Variants in HTT observed in about 807,000 individuals in gnomAD.
The protein encoded by HTT is huntington disease protein.
In HTT, 104 loss-of-function variants were observed where a neutral mutation model predicts 362.3. The ratio of observed to expected loss-of-function variants is 0.29; its 90% confidence interval spans 0.24 to 0.34. HTT has a LOEUF of 0.34. Among genes scored for constraint, HTT ranks in the 10% least tolerant of loss-of-function variants. The pLI, the probability that HTT is intolerant of heterozygous loss-of-function variation, is 1.00. For synonymous variants in HTT, 1,577 were observed against 1,548.7 expected, an observed-to-expected ratio of 1.02 and a Z score of -0.43; for missense variants, 3,301 against 3,928.6, an observed-to-expected ratio of 0.84 and a Z score of 4.27.
intron 28 of HTT, 44 bp from the exon 29 acceptor site, chr4:3,160,238 T>C (rs1358520350): frequency 7.9e-7 from 1 of 1,262,608 alleles, no homozygotes; most frequent in African/African-American, 1.5e-5. Flanking sequence ...TATGAGATCG[T>C]GACAGGGCCA....
At chr4:3,075,648 A>G (rs35462308) in intron 1 of HTT, among the ~76,000 whole-genome samples, 31,834 of 53,854 alleles carry the variant, frequency 0.59, 6,657 homozygotes, top group East Asian at 0.65. Context: ...GTGGCGGGGC[A>G]GGGGGGGGGC....
chr4:3,122,703 A>G (rs546104605), intron 9 of HTT, among the ~76,000 whole-genome samples, 186 bp from the exon 10 acceptor site: 27 of 152,342 alleles, frequency 1.8e-4, no homozygotes, highest in African/African-American at 6.3e-4. Flanking sequence ...AGAACTATAT[A>G]TTTGAATGTT....
chr4:3,189,124 G>A (rs761761949), intron 40 of HTT, 31 bp downstream of exon 40: 40 of 1,609,702 alleles, frequency 2.5e-5, no homozygotes, highest in Non-Finnish European at 3.1e-5. Flanking sequence ...TTCCTGGAGT[G>A]TCTCGTTCCC....
intron 8 of HTT, 77 bp downstream of exon 8, chr4:3,116,340 G>C: frequency 7.7e-7 from 1 of 1,307,116 alleles, no homozygotes; most frequent in Non-Finnish European, 1.1e-6. Context: ...TGGAAGAGAA[G>C]CGGCAGAACC....
Position 3,174,713 on chromosome 4 carries a change from T to A in HTT, c.4167-8T>A. On this transcript the variant is annotated splice_region_variant and splice_polypyrimidine_tract_variant and intron_variant, in intron 31 of 66. Coordinates refer to ENST00000355072, the MANE Select transcript of HTT (RefSeq NM_001388492.1). Reference sequence around the variant, plus strand: ...ATTCTCTGCTTCCCTTTTATTCCCATTTGGCAGATGGTTTGATGTCCTCCA... The same window carrying A: ...ATTCTCTGCTTCCCTTTTATTCCCAATTGGCAGATGGTTTGATGTCCTCCA... 6.2e-7 allele frequency: 1 copy of A among 1,608,042 alleles called. No homozygotes were observed. The highest frequency in any genetic ancestry group is 8.5e-7 in the Non-Finnish European group (1 of 1,174,546).
intron 31 of HTT, chr4:3,173,370 TG>T (rs1012424752): frequency 2.2e-4 from 120 of 539,270 alleles, no homozygotes; most frequent in South Asian, 6.6e-4. Context: ...ATCTCAGAGG[TG>T]GGGGTAGAGG....
chr4:3,235,449 T>C (rs1283342594), intron 62 of HTT, 51 bp downstream of exon 62: 1 of 1,507,804 alleles, frequency 6.6e-7, no homozygotes, highest in Non-Finnish European at 9.2e-7. Flanking sequence ...GGGCTTCCCT[T>C]CTCTTTTCCT....
At chr4:3,076,066 C>T (rs534738508) in intron 1 of HTT, among the ~76,000 whole-genome samples, 37 of 152,234 alleles carry the variant, frequency 2.4e-4, no homozygotes, top group African/African-American at 8.4e-4. Context: ...CCGCAGACTC[C>T]GTGGGCATCT....
Position 3,214,009 on chromosome 4 carries a change from C to T in HTT, c.6826C>T (p.Gln2276Ter), listed in dbSNP as rs1370973506. 1.2e-6 allele frequency: 2 copies of T among 1,604,606 alleles called. No individual in the cohort carries two copies. Among genetic ancestry groups the T allele is most frequent in the Non-Finnish European group, 1.7e-6 (2 of 1,174,382 alleles). ...GCAGATCCCGCTGAGTCTGGATCTC[C>T]AGGCAGGGCTGGACTGCTGCTGCCT... ...HEQIPLSLDL[Q>*]AGLDCCCLAL... Residue 2276 changes from glutamine (Q) to a stop codon, truncating the protein, a stop_gained, in exon 50 of 67, where the codon CAG becomes TAG. Transcript: ENST00000355072. LOFTEE classifies it high-confidence loss of function.
At chr4:3,211,064 C>T (rs898163016) in intron 47 of HTT, among the ~76,000 whole-genome samples, 18 of 152,046 alleles carry the variant, frequency 1.2e-4, no homozygotes, top group African/African-American at 2.7e-4. Context: ...CCACCACGCC[C>T]GGCTAATTTT....
intron 24 of HTT, 132 bp downstream of exon 24, chr4:3,145,360 A>G (rs1716549527): frequency 1.5e-5 from 10 of 686,248 alleles, no homozygotes; most frequent in African/African-American, 3.6e-5. Flanking sequence ...ATCTGATGGA[A>G]TACTTGTTTC....
At chr4:3,179,529 G>A (rs918569600) in intron 35 of HTT, among the ~76,000 whole-genome samples, 3 of 151,970 alleles carry the variant, frequency 2.0e-5, no homozygotes, top group Non-Finnish European at 2.9e-5. Context: ...CAGAGTGTTT[G>A]TGTGTGTGTC....
At chr4:3,150,694 A>G (rs1305402588) in intron 26 of HTT, among the ~76,000 whole-genome samples, 1 of 152,244 alleles carries the variant, frequency 6.6e-6, no homozygotes, top group Non-Finnish European at 1.5e-5. Flanking sequence ...ACATACATGT[A>G]CATGCACATA....
At chr4:3,093,905 G>GTTTTTTTTTT (rs67455911) in intron 2 of HTT, among the ~76,000 whole-genome samples, 12 of 23,904 alleles carry the variant, frequency 5.0e-4, no homozygotes, top group African/African-American at 9.0e-4. Flanking sequence ...CTTTAAGTTG[G>GTTTTTTTTTT]TTTTTTTTTT....
chr4:3,138,432 A>G (rs564407005), intron 21 of HTT, among the ~76,000 whole-genome samples: 1 of 151,934 alleles, frequency 6.6e-6, no homozygotes, highest in Non-Finnish European at 1.5e-5. Flanking sequence ...ATTATACCAC[A>G]CTGTATGCCC....
chr4:3,099,443 G>GC (rs1714033880), intron 3 of HTT, 49 bp downstream of exon 3: 1 of 1,606,220 alleles, frequency 6.2e-7, no homozygotes, highest in South Asian at 1.1e-5. Flanking sequence ...ATTGTTGTAG[G>GC]CTGAGAGAAG....
chr4:3,125,691 T>C, intron 11 of HTT, 62 bp downstream of exon 11: 1 of 1,210,704 alleles, frequency 8.3e-7, no homozygotes, highest in Non-Finnish European at 1.2e-6. Flanking sequence ...CCCCTTGCCC[T>C]TCCTGCTCGT....
Position 3,175,071 on chromosome 4 carries a change from G to A in HTT, c.4371G>A (p.Gln1457=), listed in dbSNP as rs1718177576. ...TAGATTTGCTGGCGCAGCTGGTTCA[G>A]TTACGGGTTAATTACTGTCTTCTGG... ...QVLDLLAQLV[Q]LRVNYCLLDS... The change falls in exon 33 of 67, where the codon CAG becomes CAA. Residue 1457 remains glutamine (Q), a synonymous_variant. Coordinates refer to ENST00000355072, the MANE Select transcript of HTT (RefSeq NM_001388492.1). The A allele has an allele frequency of 6.2e-7, 1 of 1,613,954 alleles. No homozygotes were observed. The highest frequency in any genetic ancestry group is 1.3e-5 in the African/African-American group (1 of 74,930).
At chr4:3,118,407 C>T (rs1233060317) in intron 8 of HTT, among the ~76,000 whole-genome samples, 4 of 152,094 alleles carry the variant, frequency 2.6e-5, no homozygotes, top group African/African-American at 9.7e-5. Context: ...ATGGTGGGGC[C>T]TGGAGAAGTT....
Sources: gnomAD v4.1 joint callset for allele counts (sites outside exome capture counted in the v4.1 genomes callset) on GRCh38, gnomAD v4.1.1 for gene constraint, MANE v1.5 for transcripts, NCBI Gene and HGNC (gene_info 2026-07-23, HGNC 2026-07-21) for gene names.